JAK1: variants seen among roughly 807,000 people sequenced by gnomAD.
The protein encoded by JAK1 is Janus kinase 1, also known as tyrosine-protein kinase JAK1.
A neutral mutation model predicts 136.6 loss-of-function variants in JAK1; 16 were observed. The observed-to-expected ratio is 0.12, with a 90% CI of 0.08 to 0.18. The LOEUF is 0.18. JAK1 is among the 10% of genes least tolerant of loss of function. The pLI, the probability that JAK1 is intolerant of heterozygous loss-of-function variation, is 1.00. For missense variants in JAK1, 859 were observed against 1,450.1 expected, an observed-to-expected ratio of 0.59 and a Z score of 6.62; for synonymous variants, 492 against 519.5, an observed-to-expected ratio of 0.95 and a Z score of 0.72.
At chr1:64,841,190 C>A in intron 19 of JAK1, 55 bp downstream of exon 19, 1 of 1,241,246 alleles carries the variant, frequency 8.1e-7, no homozygotes, top group Non-Finnish European at 1.2e-6. Flanking sequence ...GAGAGTGGCG[C>A]TGTGGATGGC....
rs556839152 is a variant in JAK1 at position 65,034,994 on chromosome 1, T to A, written c.-78+9486A>T. ...TTGTTTGAACCTGGGAGGCGGAGGT[T>A]GCAGTGAGCTGAGATCGCACCATTG... On this transcript the variant is annotated intron_variant, in intron 2 of 25. Transcript: ENST00000671954. Among the ~76,000 whole-genome samples the A allele has an allele frequency of 2.0e-5, 3 of 152,120 alleles. No homozygotes were observed. In the South Asian group the frequency reaches 6.2e-4, roughly 32 times the overall value.
chr1:65,003,357 T>C (rs1169958523), intron 2 of JAK1: 1 of 152,166 alleles, frequency 6.6e-6, no homozygotes, highest in African/African-American at 2.4e-5. Context: ...GAAACGCGTT[T>C]CTTTTCCCAT....
At chr1:64,931,752 G>A (rs1454031178) in intron 1 of JAK1, among the ~76,000 whole-genome samples, 3 of 152,064 alleles carry the variant, frequency 2.0e-5, no homozygotes, top group Admixed American at 6.6e-5. Flanking sequence ...ACTATCGGGA[G>A]GCACTCTGGT....
At chr1:64,878,987 A>AG (rs1397126254) in intron 4 of JAK1, 38 bp downstream of exon 4, 2 of 1,610,972 alleles carry the variant, frequency 1.2e-6, no homozygotes. Flanking sequence ...CTCAGTGCAG[A>AG]GGGAGCCAGG....
At chr1:65,041,627 C>T (rs371828844) in intron 2 of JAK1, among the ~76,000 whole-genome samples, 3 of 152,228 alleles carry the variant, frequency 2.0e-5, no homozygotes, top group East Asian at 1.9e-4. Flanking sequence ...AACCATGGGG[C>T]GCTAGTTTCC....
intron 1 of JAK1, among the ~76,000 whole-genome samples, chr1:64,947,485 T>C (rs896267152): frequency 7.9e-5 from 12 of 152,270 alleles, no homozygotes; most frequent in African/African-American, 2.9e-4. Context: ...TAAAACCTCA[T>C]TGTGGCAGAA....
chr1:64,953,602 T>G (rs965158260), intron 1 of JAK1, among the ~76,000 whole-genome samples: 11 of 152,110 alleles, frequency 7.2e-5, no homozygotes, highest in Non-Finnish European at 1.6e-4. Context: ...ATACCAAACT[T>G]ACTTTAGGAC....
chr1:64,950,199 G>A (rs1264184862), intron 1 of JAK1, among the ~76,000 whole-genome samples: 2 of 152,154 alleles, frequency 1.3e-5, no homozygotes, highest in African/African-American at 4.8e-5. Flanking sequence ...CACAAGGTCA[G>A]GAGATCGAGA....
At chr1:64,868,325 C>A (rs139126311) in intron 6 of JAK1, among the ~76,000 whole-genome samples, 1 of 152,272 alleles carries the variant, frequency 6.6e-6, no homozygotes, top group East Asian at 1.9e-4. Flanking sequence ...AGGACTGAGA[C>A]AGCACCTGGC....
At chr1:64,874,119 C>T (rs1657245909) in intron 4 of JAK1, among the ~76,000 whole-genome samples, 1 of 152,124 alleles carries the variant, frequency 6.6e-6, no homozygotes, top group African/African-American at 2.4e-5. Flanking sequence ...GTTATTTAAT[C>T]TTCACAGCAA....
upstream of JAK1, among the ~76,000 whole-genome samples, chr1:64,967,322 G>A (rs542920803): frequency 7.2e-5 from 11 of 152,122 alleles, no homozygotes; most frequent in South Asian, 2.3e-3. Context: ...TCTATGTTCC[G>A]GCAACACGGT....
intron 17 of JAK1, 152 bp from the exon 18 acceptor site, chr1:64,841,753 C>A: frequency 1.3e-6 from 1 of 763,082 alleles, no homozygotes; most frequent in Non-Finnish European, 2.1e-6. Flanking sequence ...CTGCCTTATT[C>A]TTGCAAGGGG....
At chr1:64,873,617 C>A in intron 4 of JAK1, 94 bp from the exon 5 acceptor site, 1 of 1,397,300 alleles carries the variant, frequency 7.2e-7, no homozygotes, top group Non-Finnish European at 1.0e-6. Flanking sequence ...GTGCCGGAGG[C>A]TGAAGTGCCC....
chr1:64,911,069 A>G (rs567953341), intron 1 of JAK1, among the ~76,000 whole-genome samples: 1 of 115,560 alleles, frequency 8.7e-6, no homozygotes, highest in Admixed American at 9.7e-5. Context: ...GATAAACAAG[A>G]AAATTATTCA....
In JAK1 at chr1:64,833,387, G is replaced by C. The variant is rs1167360258; in HGVS notation, c.*1175C>G. 4.3e-6 allele frequency: 1 copy of C among 232,714 alleles called. No individual in the cohort carries two copies. Among genetic ancestry groups the C allele is most frequent in the African/African-American group, 2.2e-5 (1 of 45,258 alleles). The allele number at this position is 232,714 out of a possible 1,614,324, so 14.4% of individuals were successfully genotyped here. A position where few individuals can be genotyped will look rare whatever the true frequency, so the allele number is the denominator to read the frequency against. On this transcript the variant is annotated 3_prime_UTR_variant, in exon 25 of 25. Coordinates refer to ENST00000342505, the MANE Select transcript of JAK1 (RefSeq NM_002227.4). ...CCAATCCTGAATTTGGGCTCAACAG[G>C]TGAAAAGTAACAATATCAAACGAAT... is the stretch of plus-strand genomic sequence containing the variant.
Position 64,841,286 on chromosome 1 carries a change from A to T in JAK1, c.2608T>A (p.Phe870Ile). 1 of 1,614,132 alleles carries T rather than the reference A, an allele frequency of 6.2e-7. No individual in the cohort carries two copies. Among genetic ancestry groups the T allele is most frequent in the Non-Finnish European group, 8.5e-7 (1 of 1,180,000 alleles). The stretch of plus-strand genomic sequence containing the variant: ...ATCCTCTTTAGGAAGCGCTTTTCAA[A>T]ATGTGTGGGGTCCACTTCAGTTGCT... ...KPATEVDPTH[F>I]EKRFLKRIRD... is the part of the protein sequence containing the mutation. Residue 870 changes from phenylalanine to isoleucine, a missense_variant, in exon 19 of 25, where the codon TTT becomes ATT. Coordinates refer to ENST00000342505, the MANE Select transcript of JAK1 (RefSeq NM_002227.4).
intron 23 of JAK1, 41 bp from the exon 24 acceptor site, chr1:64,835,547 G>T: frequency 8.3e-7 from 1 of 1,198,256 alleles, no homozygotes; most frequent in South Asian, 1.3e-5. Flanking sequence ...AACTTTGCAA[G>T]TATTTACATA....
chr1:64,982,050 T>C (rs1358775175), intron 2 of JAK1, among the ~76,000 whole-genome samples: 2 of 152,000 alleles, frequency 1.3e-5, no homozygotes, highest in African/African-American at 4.8e-5. Context: ...ACATATACAA[T>C]TCTACAGAGT....
intron 1 of JAK1, among the ~76,000 whole-genome samples, chr1:64,913,152 G>A (rs2100294332): frequency 6.6e-6 from 1 of 152,230 alleles, no homozygotes; most frequent in South Asian, 2.1e-4. Context: ...GTCCAGAATA[G>A]CCGAGACTAC....
Sources: gnomAD v4.1 joint callset for allele counts (sites outside exome capture counted in the v4.1 genomes callset) on GRCh38, gnomAD v4.1.1 for gene constraint, MANE v1.5 for transcripts, NCBI Gene and HGNC (gene_info 2026-07-23, HGNC 2026-07-21) for gene names.